The following HIP1 variants were observed in gnomAD, a reference collection of about 807,000 sequenced individuals.
HIP1 encodes the protein huntingtin interacting protein 1, also known as huntingtin-interacting protein 1.
A neutral mutation model predicts 147.6 loss-of-function variants in HIP1; 65 were observed. That is an observed-to-expected ratio of 0.44 (90% confidence interval 0.36 to 0.54). HIP1 has a LOEUF of 0.54. HIP1 is among the 20% of genes least tolerant of loss of function. The pLI is 0.00. For synonymous variants in HIP1, 479 were observed against 504.0 expected (o/e 0.95, Z 0.67); for missense variants, 1,061 against 1,299.6 (o/e 0.82, Z 2.82).
chr7:75,547,072 T>A, intron 24 of HIP1, 40 bp from the exon 25 acceptor site: 4 of 1,486,542 alleles, frequency 2.7e-6, no homozygotes, highest in Non-Finnish European at 3.7e-6. Context: ...GAGATCAAGA[T>A]CCAAGATCAA....
chr7:75,681,129 T>C (rs1584946374), intron 1 of HIP1, among the ~76,000 whole-genome samples: 1 of 151,890 alleles, frequency 6.6e-6, no homozygotes, highest in Non-Finnish European at 1.5e-5. Flanking sequence ...GTCAGGCTGG[T>C]CTTGACCTCC....
intron 1 of HIP1, among the ~76,000 whole-genome samples, chr7:75,668,450 G>A (rs577385103): frequency 3.9e-5 from 6 of 152,094 alleles, no homozygotes; most frequent in Admixed American, 6.6e-5. Flanking sequence ...TCAGCCTCCC[G>A]AGTAGCTGGG....
At chr7:75,731,496 A>G (rs1415244620) in intron 1 of HIP1, among the ~76,000 whole-genome samples, 3 of 151,450 alleles carry the variant, frequency 2.0e-5, no homozygotes, top group African/African-American at 7.3e-5. Context: ...AAAAAAAAAA[A>G]AAACGCCAGC....
At chr7:75,602,819 C>T (rs1423757998) in intron 1 of HIP1, among the ~76,000 whole-genome samples, 1 of 141,466 alleles carries the variant, frequency 7.1e-6, no homozygotes, top group Non-Finnish European at 1.5e-5. Context: ...CCACCCCGTA[C>T]CTATGAATAT....
chr7:75,591,285 G>A (rs926186321), intron 4 of HIP1, among the ~76,000 whole-genome samples: 2 of 151,922 alleles, frequency 1.3e-5, no homozygotes, highest in Admixed American at 6.6e-5. Flanking sequence ...TGCTTGCCTC[G>A]GCCTCCTAAA....
chr7:75,700,126 C>T (rs1800776136), intron 1 of HIP1, among the ~76,000 whole-genome samples: 2 of 152,186 alleles, frequency 1.3e-5, no homozygotes, highest in South Asian at 4.1e-4. Context: ...GTTGGGATTA[C>T]AAGCATGAGC....
At chr7:75,738,769 C>T in intron 1 of HIP1, 32 bp downstream of exon 1, 1 of 1,592,570 alleles carries the variant, frequency 6.3e-7, no homozygotes, top group South Asian at 1.1e-5. Flanking sequence ...CTCAGGGTGC[C>T]CCAGGGATGC....
intron 1 of HIP1, among the ~76,000 whole-genome samples, chr7:75,724,922 G>A (rs58869666): frequency 0.02 from 2,984 of 152,290 alleles, 98 homozygotes; most frequent in African/African-American, 0.067. Flanking sequence ...GAATGCTTCC[G>A]AGGGGAGGCA....
At chr7:75,589,683 CAAAAAA>C (rs1159535613) in intron 4 of HIP1, among the ~76,000 whole-genome samples, 86 of 49,638 alleles carry the variant, frequency 1.7e-3, no homozygotes, top group Non-Finnish European at 2.3e-3. Flanking sequence ...ACTCTGTCTC[CAAAAAA>C]AAAAAAAAAA....
At chr7:75,548,529 G>C (rs1177626633) in intron 23 of HIP1, among the ~76,000 whole-genome samples, 6 of 151,858 alleles carry the variant, frequency 4.0e-5, no homozygotes, top group African/African-American at 1.5e-4. Flanking sequence ...ACCCAGGCTA[G>C]AGTGCAGTGG....
At chr7:75,669,131 C>G (rs1799655056) in intron 1 of HIP1, among the ~76,000 whole-genome samples, 1 of 151,840 alleles carries the variant, frequency 6.6e-6, no homozygotes, top group South Asian at 2.1e-4. Context: ...TTTGGGAGGC[C>G]GAGGCGGGTG....
chr7:75,581,172 G>A (rs1796026954), intron 7 of HIP1, 65 bp downstream of exon 7: 1 of 1,223,864 alleles, frequency 8.2e-7, no homozygotes, highest in South Asian at 1.3e-5. Flanking sequence ...TTTGCAGGGA[G>A]AGGAGGACTA....
intron 17 of HIP1, 107 bp downstream of exon 17, chr7:75,556,603 T>C (rs1030130832): frequency 1.4e-6 from 1 of 725,598 alleles, no homozygotes. Flanking sequence ...GAGGATCACC[T>C]GAGCCCAGGG....
Position 75,581,314 on chromosome 7 carries a change from AAG to A in HIP1, c.543-18_543-17del. On this transcript the variant is annotated splice_polypyrimidine_tract_variant and intron_variant, in intron 6 of 30. Transcript: ENST00000336926. ...TAACTGGAAACTGGACCCAAGAGGA[AAG>A]AGAGCTTACACTCCACAGCCTGAGG... 6.2e-7 allele frequency: 1 copy of A among 1,606,486 alleles called. No homozygotes were observed. The highest frequency in any genetic ancestry group is 8.5e-7 in the Non-Finnish European group (1 of 1,174,934).
At chr7:75,655,451 G>A (rs914885140) in intron 1 of HIP1, among the ~76,000 whole-genome samples, 7 of 151,788 alleles carry the variant, frequency 4.6e-5, no homozygotes, top group East Asian at 1.9e-4. Flanking sequence ...GTGTTGTGGC[G>A]CACACCTGTA....
At chr7:75,722,641 A>G (rs2285875) in intron 1 of HIP1, among the ~76,000 whole-genome samples, 45,684 of 152,030 alleles carry the variant, frequency 0.3, 7,192 homozygotes, top group East Asian at 0.47. Flanking sequence ...TTCCCGTTCC[A>G]TTTCCTAGCT....
chr7:75,699,575 C>T (rs534856245), intron 1 of HIP1, among the ~76,000 whole-genome samples: 1 of 152,310 alleles, frequency 6.6e-6, no homozygotes, highest in South Asian at 2.1e-4. Flanking sequence ...GAACACGGCA[C>T]GGGCCAAACA....
chr7:75,557,518 GCCA>G, intron 16 of HIP1, 133 bp downstream of exon 16: 2 of 719,646 alleles, frequency 2.8e-6, no homozygotes, highest in Non-Finnish European at 5.1e-6. Flanking sequence ...GTTCTGTGTG[GCCA>G]CCATGGTGTG....
intron 1 of HIP1, among the ~76,000 whole-genome samples, chr7:75,719,759 G>A (rs1335698775): frequency 6.6e-6 from 1 of 152,106 alleles, no homozygotes; most frequent in East Asian, 1.9e-4. Flanking sequence ...AATGGATTCA[G>A]ATTGACCCAT....
Sources: allele counts gnomAD v4.1 joint callset (sites outside exome capture counted in the v4.1 genomes callset), GRCh38; gene constraint gnomAD v4.1.1; transcripts MANE v1.5; gene names NCBI Gene and HGNC (gene_info 2026-07-23, HGNC 2026-07-21).